Variants in THSD7B observed in about 807,000 individuals in gnomAD.
The protein encoded by THSD7B is thrombospondin type-1 domain-containing protein 7B.
In THSD7B, 138 loss-of-function variants were observed where a neutral mutation model predicts 213.6. The observed-to-expected ratio is 0.65, with a 90% confidence interval of 0.56 to 0.74. The LOEUF (loss-of-function observed/expected upper bound fraction) is 0.74, where lower values mean the gene tolerates loss of function less well. Among genes scored for constraint, THSD7B ranks in the 30% least tolerant of loss-of-function variants. The pLI is 0.00. For missense variants in THSD7B, 1,931 were observed against 1,991.5 expected (o/e 0.97, Z 0.58); for synonymous variants, 742 against 687.0 (o/e 1.08, Z -1.25).
intron 3 of THSD7B, among the ~76,000 whole-genome samples, chr2:137,068,882 T>G (rs901087286): frequency 6.6e-6 from 1 of 152,098 alleles, no homozygotes; most frequent in African/African-American, 2.4e-5. Context: ...TAATGTAAAC[T>G]CCTGTTTGTG....
intron 17 of THSD7B, among the ~76,000 whole-genome samples, chr2:137,595,366 G>A (rs1455299218): frequency 6.6e-6 from 1 of 151,954 alleles, no homozygotes; most frequent in African/African-American, 2.4e-5. Flanking sequence ...GTAACTTGTT[G>A]TGGTGGGTTT....
intron 7 of THSD7B, among the ~76,000 whole-genome samples, chr2:137,202,524 T>A (rs1414683602): frequency 2.0e-5 from 3 of 152,096 alleles, no homozygotes; most frequent in Admixed American, 6.6e-5. Context: ...ACAGAACAGG[T>A]TCTCCCAGGA....
chr2:137,232,794 A>G lies in THSD7B; in HGVS notation c.1916-105A>G, dbSNP rs1558967426. On this transcript the variant is annotated intron_variant, in intron 8 of 27. Coordinates refer to ENST00000409968, the MANE Select transcript of THSD7B (RefSeq NM_001316349.2). ...CAGTGCAGTGGCTCAGGTCTTTGGAAGGCTGTGTCAGCAAAGCTGTCTCTC... is the reference window on the plus strand; with the variant it reads ...CAGTGCAGTGGCTCAGGTCTTTGGAGGGCTGTGTCAGCAAAGCTGTCTCTC... 4 of 1,048,356 alleles carry G rather than the reference A, an allele frequency of 3.8e-6. No homozygotes were observed. In the Admixed American group the frequency reaches 6.9e-5, roughly 18 times the overall value. 64.9% of individuals were successfully genotyped at this position (1,048,356 alleles called of 1,614,324 possible).
At chr2:136,825,492 G>T (rs1682630811) in intron 1 of THSD7B, among the ~76,000 whole-genome samples, 1 of 152,042 alleles carries the variant, frequency 6.6e-6, no homozygotes, top group Non-Finnish European at 1.5e-5. Context: ...CAACAGTCCA[G>T]TCCCTCCTAT....
chr2:137,064,786 T>C (rs1372021982), intron 3 of THSD7B, among the ~76,000 whole-genome samples: 1 of 152,084 alleles, frequency 6.6e-6, no homozygotes, highest in African/African-American at 2.4e-5. Flanking sequence ...TGTATGTTCT[T>C]GATACCTTTG....
chr2:137,600,801 T>C (rs1227911220), intron 17 of THSD7B, among the ~76,000 whole-genome samples: 1 of 152,068 alleles, frequency 6.6e-6, no homozygotes, highest in African/African-American at 2.4e-5. Flanking sequence ...CTTCAGGAGG[T>C]ATTTCAATGG....
chr2:137,552,154 C>T (rs1268448249), intron 15 of THSD7B, among the ~76,000 whole-genome samples: 2 of 152,056 alleles, frequency 1.3e-5, no homozygotes, highest in African/African-American at 4.8e-5. Flanking sequence ...TTGAAATTGT[C>T]GAATGCATCT....
At chr2:136,777,204 A>G (rs546074459) in intron 1 of THSD7B, among the ~76,000 whole-genome samples, 29 of 152,302 alleles carry the variant, frequency 1.9e-4, no homozygotes, top group Non-Finnish European at 3.2e-4. Flanking sequence ...CGAATGGGAA[A>G]GAAATGAAAC....
At chr2:137,507,058 C>T (rs1166596687) in intron 15 of THSD7B, among the ~76,000 whole-genome samples, 1 of 152,166 alleles carries the variant, frequency 6.6e-6, no homozygotes, top group Non-Finnish European at 1.5e-5. Flanking sequence ...GAGGGCAGCA[C>T]AGTACATAAT....
intron 17 of THSD7B, among the ~76,000 whole-genome samples, chr2:137,599,655 T>A (rs990231835): frequency 6.6e-6 from 1 of 152,104 alleles, no homozygotes; most frequent in Non-Finnish European, 1.5e-5. Context: ...CAAAGGACTA[T>A]AAATCATGCT....
intron 15 of THSD7B, among the ~76,000 whole-genome samples, chr2:137,560,115 A>G (rs1413145891): frequency 8.2e-6 from 1 of 122,218 alleles, no homozygotes; most frequent in African/African-American, 4.4e-5. Context: ...TGTTGGTGGG[A>G]CTGTAAACTG....
chr2:137,289,763 T>C (rs1001291864), intron 12 of THSD7B, among the ~76,000 whole-genome samples: 3 of 151,742 alleles, frequency 2.0e-5, no homozygotes, highest in African/African-American at 7.3e-5. Flanking sequence ...CAAAGAGTGA[T>C]GATAGGACCA....
At chr2:137,504,889 T>C (rs2105142715) in intron 15 of THSD7B, among the ~76,000 whole-genome samples, 1 of 152,166 alleles carries the variant, frequency 6.6e-6, no homozygotes, top group African/African-American at 2.4e-5. Context: ...AGAAAACGAC[T>C]GTGAGAGAAA....
At chr2:137,652,054 T>C (rs1321197980) in intron 21 of THSD7B, among the ~76,000 whole-genome samples, 1 of 152,130 alleles carries the variant, frequency 6.6e-6, no homozygotes, top group African/African-American at 2.4e-5. Context: ...ATTCTATAAA[T>C]ATCTGTTAGA....
intron 3 of THSD7B, among the ~76,000 whole-genome samples, chr2:137,074,328 A>C (rs1312264575): frequency 1.3e-5 from 2 of 151,932 alleles, no homozygotes; most frequent in African/African-American, 4.8e-5. Flanking sequence ...TAATCCCTTT[A>C]CCATTATGTA....
chr2:137,570,631 C>T (rs1031674281), intron 16 of THSD7B, among the ~76,000 whole-genome samples: 2 of 152,106 alleles, frequency 1.3e-5, no homozygotes, highest in Non-Finnish European at 2.9e-5. Context: ...AGCTCTTTAG[C>T]GTATTGTTAT....
At chr2:137,281,053 G>C (rs1682996619) in intron 12 of THSD7B, among the ~76,000 whole-genome samples, 1 of 152,108 alleles carries the variant, frequency 6.6e-6, no homozygotes, top group African/African-American at 2.4e-5. Flanking sequence ...AGGTACTGGA[G>C]ATCGAAATCA....
chr2:137,486,907 G>A (rs1488233988), intron 15 of THSD7B, among the ~76,000 whole-genome samples: 10 of 152,176 alleles, frequency 6.6e-5, no homozygotes, highest in Admixed American at 3.9e-4. Flanking sequence ...GGTAAATAAC[G>A]AAATGAAGGC....
chr2:137,052,606 CTTCT>C (rs1411602124), intron 2 of THSD7B, among the ~76,000 whole-genome samples: 20 of 151,868 alleles, frequency 1.3e-4, no homozygotes, highest in African/African-American at 4.8e-4. Flanking sequence ...AGGTAATATT[CTTCT>C]TTCTTCATGC....
Sources: allele counts gnomAD v4.1 joint callset (sites outside exome capture counted in the v4.1 genomes callset), GRCh38; gene constraint gnomAD v4.1.1; transcripts MANE v1.5; gene names NCBI Gene and HGNC (gene_info 2026-07-23, HGNC 2026-07-21).